Variants in GYPB observed in about 807,000 individuals in gnomAD.
GYPB encodes the protein glycophorin-B.
A neutral mutation model predicts 15.3 loss-of-function variants in GYPB; 13 were observed. The observed-to-expected ratio is 0.85, with a 90% confidence interval of 0.55 to 1.35. The LOEUF is 1.35. Ranked by LOEUF, GYPB falls within the 40% of genes most tolerant of loss-of-function variation. The pLI is 0.00. For synonymous variants in GYPB, 38 were observed against 36.9 expected (o/e 1.03, Z -0.11); for missense variants, 131 against 108.3 (o/e 1.21, Z -0.93).
Position 143,997,543 on chromosome 4 carries a change from T to C in GYPB, c.267A>G (p.Ile89Met), listed in dbSNP as rs768493222. The change falls in exon 4 of 5, where the codon ATA becomes ATG. Residue 89 changes from isoleucine (I) to methionine (M), a missense_variant. Coordinates refer to ENST00000502664, the MANE Select transcript of GYPB (RefSeq NM_002100.6). ...AAATTAAAAACTGAATTCTCACCTT[T>C]ATCAGTCGGCGAATACTGTAAGAAA... The part of the protein sequence containing the change: ...LLISYSIRRL[I>M]KA 20 of 1,558,564 alleles carry C rather than the reference T, an allele frequency of 1.3e-5. No homozygotes were observed. Among genetic ancestry groups the C allele is most frequent in the Middle Eastern group, 1.7e-4 (1 of 5,930 alleles).
At chr4:144,005,180 T>C (rs1426521501) in intron 1 of GYPB, among the ~76,000 whole-genome samples, 2 of 151,962 alleles carry the variant, frequency 1.3e-5, no homozygotes, top group African/African-American at 2.4e-5. Flanking sequence ...TAATCCAAAT[T>C]GCCGACTTTA....
Position 144,001,184 on chromosome 4 carries a change from C to A in GYPB, c.136+1G>T. On this transcript the variant is annotated splice_donor_variant, in intron 2 of 4. Transcript: ENST00000502664. LOFTEE classifies it high-confidence loss of function. ...ATTTAAAAATAAAAATGAAAACAAA[C>A]CATTTGTCTGTGATGAGATGTAACT... 3.7e-6 allele frequency: 6 copies of A among 1,612,812 alleles called. No homozygotes were observed. Among genetic ancestry groups the A allele is most frequent in the Non-Finnish European group, 5.1e-6 (6 of 1,179,804 alleles).
At chr4:144,004,056 T>C (rs1302814252) in intron 1 of GYPB, among the ~76,000 whole-genome samples, 2 of 151,590 alleles carry the variant, frequency 1.3e-5, no homozygotes, top group Non-Finnish European at 2.9e-5. Flanking sequence ...TATGTCCTAT[T>C]TGTACCCTTA....
At chr4:144,011,801 A>G (rs919790489) in intron 1 of GYPB, among the ~76,000 whole-genome samples, 1 of 151,376 alleles carries the variant, frequency 6.6e-6, no homozygotes, top group Non-Finnish European at 1.5e-5. Flanking sequence ...ACATTTCTGT[A>G]TTTCCTGATA....
At chr4:143,997,906 G>A (rs6816184) in intron 3 of GYPB, among the ~76,000 whole-genome samples, 105,080 of 150,926 alleles carry the variant, frequency 0.7, 37,378 homozygotes, top group East Asian at 0.95. Context: ...CAGACCCAGC[G>A]TTCTTCACTA....
rs752582343 is a variant in GYPB at position 143,999,409 on chromosome 4, AC to A, written c.175+1del. 2 of 1,506,694 alleles carry A rather than the reference AC, an allele frequency of 1.3e-6. No homozygotes were observed. Among genetic ancestry groups the A allele is most frequent in the Admixed American group, 3.4e-5 (2 of 58,728 alleles). The allele number at this position is 1,506,694 out of a possible 1,614,324, so 93.3% of individuals were successfully genotyped here. ...TTTATTCTTTGTCAAATATTAACAT[AC>A]CTGGTACAGTGAAACGATGGACAAG... On this transcript the variant is annotated splice_donor_variant, in intron 3 of 4. Coordinates refer to ENST00000502664, the MANE Select transcript of GYPB (RefSeq NM_002100.6). LOFTEE classifies it high-confidence loss of function.
intron 1 of GYPB, among the ~76,000 whole-genome samples, chr4:144,016,649 TTAAG>T (rs1190325175): frequency 1.3e-5 from 2 of 151,304 alleles, no homozygotes; most frequent in African/African-American, 4.9e-5. Flanking sequence ...ATATGAATTT[TTAAG>T]TAAACACAAA....
At chr4:143,998,495 G>C (rs1191303844) in intron 3 of GYPB, among the ~76,000 whole-genome samples, 1 of 149,424 alleles carries the variant, frequency 6.7e-6, no homozygotes, top group Non-Finnish European at 1.5e-5. Context: ...GTATGCGATA[G>C]TGATGAAGTT....
At chr4:144,018,168 T>C (rs912830011) in intron 1 of GYPB, among the ~76,000 whole-genome samples, 2 of 151,472 alleles carry the variant, frequency 1.3e-5, no homozygotes, top group African/African-American at 4.9e-5. Flanking sequence ...TTAATCTTTA[T>C]GCAATTATTA....
At chr4:144,012,364 A>G (rs1488967922) in intron 1 of GYPB, 3 of 151,572 alleles carry the variant, frequency 2.0e-5, no homozygotes, top group Middle Eastern at 3.4e-3. Context: ...AATTTACTTA[A>G]TCTCTATATT....
In GYPB at chr4:144,003,361, A is replaced by G. The variant is rs563792989; in HGVS notation, c.38-2078T>C. Among the ~76,000 whole-genome samples, 10 of 151,402 alleles carry G rather than the reference A, an allele frequency of 6.6e-5. No individual in the cohort carries two copies. The South Asian group carries it at 2.1e-3, about 31-fold the overall frequency. On this transcript the variant is annotated intron_variant, in intron 1 of 4. Coordinates refer to ENST00000502664, the MANE Select transcript of GYPB (RefSeq NM_002100.6). ...CATCTTGTGTTCAAGAGTGGCCAAG[A>G]TAAGCAGTCCCTTTGCAAACAAGCC...
At chr4:144,001,513 G>T (rs888188227) in intron 1 of GYPB, among the ~76,000 whole-genome samples, 9 of 151,384 alleles carry the variant, frequency 5.9e-5, no homozygotes, top group Admixed American at 1.3e-4. Flanking sequence ...GTACAGCAGA[G>T]GTTTACAGAT....
At chr4:144,015,513 G>A (rs1473515784) in intron 1 of GYPB, among the ~76,000 whole-genome samples, 1 of 151,302 alleles carries the variant, frequency 6.6e-6, no homozygotes, top group Non-Finnish European at 1.5e-5. Flanking sequence ...TAACTTGGGG[G>A]AAATTCCCCA....
chr4:143,998,511 A>G (rs1174994522), intron 3 of GYPB, among the ~76,000 whole-genome samples: 381 of 148,466 alleles, frequency 2.6e-3, no homozygotes, highest in Non-Finnish European at 4.5e-3. Context: ...AAGTTCTATG[A>G]TGTGCTTTTT....
intron 1 of GYPB, among the ~76,000 whole-genome samples, chr4:144,013,838 G>T (rs1728350198): frequency 6.6e-6 from 1 of 150,792 alleles, no homozygotes; most frequent in South Asian, 2.1e-4. Context: ...GAGTTAGTGG[G>T]TGCAGTGCAC....
chr4:144,006,242 A>G (rs1210081494), intron 1 of GYPB, among the ~76,000 whole-genome samples: 1 of 151,954 alleles, frequency 6.6e-6, no homozygotes, highest in Non-Finnish European at 1.5e-5. Context: ...GAAATATTCA[A>G]AATTTGTGTT....
At chr4:144,014,469 G>T (rs1426027421) in intron 1 of GYPB, among the ~76,000 whole-genome samples, 1 of 151,680 alleles carries the variant, frequency 6.6e-6, no homozygotes, top group Non-Finnish European at 1.5e-5. Context: ...TAAAAGGAAT[G>T]AAATACTGAT....
intron 1 of GYPB, among the ~76,000 whole-genome samples, chr4:144,011,164 T>A (rs1230402816): frequency 8.1e-5 from 1 of 12,292 alleles, no homozygotes; most frequent in Non-Finnish European, 0.01. Flanking sequence ...GTGGATTGCC[T>A]GAGCTCAGAG....
intron 1 of GYPB, among the ~76,000 whole-genome samples, chr4:144,016,310 T>C (rs904343760): frequency 6.6e-6 from 1 of 150,606 alleles, no homozygotes; most frequent in Non-Finnish European, 1.5e-5. Context: ...AAATATTTCC[T>C]CTTTCCTCCT....
Sources: allele counts gnomAD v4.1 joint callset (sites outside exome capture counted in the v4.1 genomes callset), GRCh38; gene constraint gnomAD v4.1.1; transcripts MANE v1.5; gene names NCBI Gene and HGNC (gene_info 2026-07-23, HGNC 2026-07-21).